TARBP1: variants seen among roughly 807,000 people sequenced by gnomAD.
The protein encoded by TARBP1 is tRNA (guanosine(18)-2'-O)-methyltransferase TARBP1.
TARBP1 carries 144 observed loss-of-function variants against 178.6 expected under a neutral mutation model. The ratio of observed to expected loss-of-function variants is 0.81; its 90% CI spans 0.70 to 0.93. The LOEUF is 0.93. Ranked by LOEUF, TARBP1 falls within the 40% of genes least tolerant of loss-of-function variation. The pLI, the probability that TARBP1 is intolerant of heterozygous loss-of-function variation, is 0.00. For synonymous variants in TARBP1, 787 were observed against 781.0 expected, an observed-to-expected ratio of 1.01 and a Z score of -0.13; for missense variants, 2,067 against 2,011.7, an observed-to-expected ratio of 1.03 and a Z score of -0.53.
In TARBP1 at chr1:234,478,599, C is replaced by T. The variant is rs781156931; in HGVS notation, c.505G>A (p.Ala169Thr). The change falls in exon 1 of 30, where the codon GCC becomes ACC. Residue 169 changes from alanine (A) to threonine (T), a missense_variant. Physicochemically the swap from Ala to Thr is moderately conservative, Grantham distance 58. Transcript: ENST00000040877. ...LLERVAGTAV[A>T]LALGGGGDGD... ...TCCCCGCCCCCGCCCAGCGCCAGGG[C>T]GACGGCGGTCCCCGCCACGCGCTCC... The T allele has an allele frequency of 1.2e-4, 156 of 1,298,136 alleles. No homozygotes were observed. The East Asian group carries it at 5.2e-3, about 43-fold the overall frequency. The allele number at this position is 1,298,136 out of a possible 1,614,324, so 80.4% of individuals were successfully genotyped here. A position where few individuals can be genotyped will look rare whatever the true frequency, so the allele number is the denominator to read the frequency against.
At chr1:234,406,154 C>T (rs1661218701) in intron 23 of TARBP1, 55 bp from the exon 24 acceptor site, 2 of 1,517,086 alleles carry the variant, frequency 1.3e-6, no homozygotes, top group Non-Finnish European at 1.8e-6. Context: ...ATTTTACTCT[C>T]ACTTGTATGA....
intron 9 of TARBP1, among the ~76,000 whole-genome samples, chr1:234,456,037 G>T (rs1416015482): frequency 6.6e-6 from 1 of 152,058 alleles, no homozygotes; most frequent in Admixed American, 6.5e-5. Flanking sequence ...TGATACATTT[G>T]GTATTGTATC....
chr1:234,422,633 G>A (rs899846157), intron 20 of TARBP1, among the ~76,000 whole-genome samples: 3 of 152,066 alleles, frequency 2.0e-5, no homozygotes, highest in Non-Finnish European at 1.5e-5. Context: ...TGGCTAATGA[G>A]TATAAAAATA....
chr1:234,473,445 G>A (rs1247359983), intron 1 of TARBP1, among the ~76,000 whole-genome samples: 1 of 152,214 alleles, frequency 6.6e-6, no homozygotes, highest in Admixed American at 6.5e-5. Flanking sequence ...TGAATTGGGA[G>A]GCACAGGACA....
intron 22 of TARBP1, among the ~76,000 whole-genome samples, chr1:234,413,010 C>A (rs1015370342): frequency 2.6e-5 from 4 of 152,140 alleles, no homozygotes; most frequent in African/African-American, 9.7e-5. Flanking sequence ...CGACCCCCGA[C>A]CCGCCGGAAA....
chr1:234,471,040 C>T, intron 3 of TARBP1, 148 bp downstream of exon 3: 1 of 628,418 alleles, frequency 1.6e-6, no homozygotes, highest in Non-Finnish European at 2.8e-6. Flanking sequence ...CAACTGTTAT[C>T]TCTTGGTGGC....
chr1:234,424,832 A>C (rs1344379207), intron 20 of TARBP1, among the ~76,000 whole-genome samples: 3 of 151,970 alleles, frequency 2.0e-5, no homozygotes, highest in African/African-American at 7.3e-5. Flanking sequence ...GAGGCCAAGG[A>C]GGGTGGATTA....
chr1:234,428,049 C>T (rs1453740030), intron 17 of TARBP1, among the ~76,000 whole-genome samples: 5 of 152,190 alleles, frequency 3.3e-5, no homozygotes, highest in African/African-American at 1.2e-4. Flanking sequence ...ACACCTCACC[C>T]CACACACATT....
chr1:234,397,888 G>A (rs1338212411), intron 26 of TARBP1, among the ~76,000 whole-genome samples: 3 of 144,844 alleles, frequency 2.1e-5, no homozygotes, highest in Non-Finnish European at 3.0e-5. Flanking sequence ...AGAGGAAGCT[G>A]GTGGAAAGGA....
chr1:234,417,724 T>C (rs1351738573), intron 22 of TARBP1, among the ~76,000 whole-genome samples: 2 of 152,238 alleles, frequency 1.3e-5, no homozygotes, highest in Admixed American at 6.5e-5. Context: ...CAAAACCTTT[T>C]TTTCAATTTT....
intron 3 of TARBP1, among the ~76,000 whole-genome samples, chr1:234,469,900 C>G (rs528657): frequency 0.23 from 35,062 of 152,090 alleles, 4,755 homozygotes; most frequent in Non-Finnish European, 0.31. Context: ...TAACTGAAAA[C>G]TTAAGAAACA....
intron 23 of TARBP1, among the ~76,000 whole-genome samples, chr1:234,408,890 TC>T (rs1281048372): frequency 6.6e-6 from 1 of 152,184 alleles, no homozygotes; most frequent in Non-Finnish European, 1.5e-5. Context: ...ATAAATCGGC[TC>T]TGTGTAGGCG....
Position 234,478,961 on chromosome 1 carries a change from G to T in TARBP1, c.143C>A (p.Ala48Glu). ...CGCGCCTGCGCCCCCGCTGCCGCGC[G>T]CCTCCTCGTCCTCGAGCCGCTGCAG... Reference protein sequence around the residue: ...FLLQRLEDEEARGSGGAGALP... With the variant: ...FLLQRLEDEEERGSGGAGALP... The change falls in exon 1 of 30, where the codon GCG (alanine) becomes GAG (glutamate). Residue 48 changes from alanine to glutamate, a missense_variant. Physicochemically the swap from Ala to Glu is moderately radical, Grantham distance 107. Coordinates refer to ENST00000040877, the MANE Select transcript of TARBP1 (RefSeq NM_005646.4). 1 of 1,464,256 alleles carries T rather than the reference G, an allele frequency of 6.8e-7. No individual in the cohort carries two copies. Among genetic ancestry groups the T allele is most frequent in the Non-Finnish European group, 9.0e-7 (1 of 1,116,820 alleles). 90.7% of individuals were successfully genotyped at this position (1,464,256 alleles called of 1,614,324 possible). A position where few individuals can be genotyped will look rare whatever the true frequency, so the allele number is the denominator to read the frequency against.
At chr1:234,472,890 TAATGCCACTATTACCA>T (rs1669210043) in intron 1 of TARBP1, 79 bp from the exon 2 acceptor site, 3 of 1,009,224 alleles carry the variant, frequency 3.0e-6, no homozygotes, top group Non-Finnish European at 4.5e-6. Flanking sequence ...GTTCTTAAAA[TAATGCCACTATTACCA>T]AATGGATTCT....
chr1:234,478,192 G>T lies in TARBP1; in HGVS notation c.912C>A (p.Cys304Ter). 3.1e-6 allele frequency: 5 copies of T among 1,611,666 alleles called. No individual in the cohort carries two copies. The highest frequency in any genetic ancestry group is 4.2e-6 in the Non-Finnish European group (5 of 1,179,486). ...AGGTACCGTTTCCTTCCTGGGGCCC[G>T]CAGGTGCAGTCGGCCCCCAGCTCCG... ...VSAELGADCT[C>*]GPQEGNGPSL... Residue 304 changes from cysteine (C) to a stop codon, truncating the protein, a stop_gained, in exon 1 of 30, where the codon TGC becomes TGA. Transcript: ENST00000040877. LOFTEE classifies it high-confidence loss of function.
intron 24 of TARBP1, among the ~76,000 whole-genome samples, chr1:234,403,988 G>A (rs144843765): frequency 4.6e-4 from 70 of 152,164 alleles, no homozygotes; most frequent in African/African-American, 1.6e-3. Context: ...GCACCCAGCC[G>A]GATGCCTTAT....
At chr1:234,399,443 C>T (rs1277772573) in intron 25 of TARBP1, among the ~76,000 whole-genome samples, 1 of 152,154 alleles carries the variant, frequency 6.6e-6, no homozygotes, top group Non-Finnish European at 1.5e-5. Flanking sequence ...TACATGAAGA[C>T]TAAACTAGTT....
At chr1:234,470,671 A>T (rs1370381667) in intron 3 of TARBP1, among the ~76,000 whole-genome samples, 1 of 137,998 alleles carries the variant, frequency 7.2e-6, no homozygotes. Context: ...CCTGGAGTGC[A>T]GCAGTGTGAT....
At chr1:234,440,762 A>C (rs1665509194) in intron 12 of TARBP1, among the ~76,000 whole-genome samples, 2 of 152,004 alleles carry the variant, frequency 1.3e-5, no homozygotes, top group African/African-American at 4.8e-5. Context: ...TAAAAATTGA[A>C]ATTTTAAAAC....
Sources: allele counts gnomAD v4.1 joint callset (sites outside exome capture counted in the v4.1 genomes callset), GRCh38; gene constraint gnomAD v4.1.1; transcripts MANE v1.5; gene names NCBI Gene and HGNC (gene_info 2026-07-23, HGNC 2026-07-21).